The following CALN1 variants were observed in gnomAD, a reference collection of about 807,000 sequenced individuals.
CALN1 encodes the protein calcium-binding protein 8.
A neutral mutation model predicts 30.6 loss-of-function variants in CALN1; 17 were observed. The ratio of observed to expected loss-of-function variants is 0.56; its 90% CI spans 0.38 to 0.83. CALN1 has a LOEUF of 0.83. Among genes scored for constraint, CALN1 ranks in the 40% least tolerant of loss-of-function variants. The pLI, the probability that CALN1 is intolerant of heterozygous loss-of-function variation, is 0.00. For synonymous variants in CALN1, 156 were observed against 131.4 expected, an observed-to-expected ratio of 1.19 and a Z score of -1.28; for missense variants, 291 against 354.9, an observed-to-expected ratio of 0.82 and a Z score of 1.45.
intron 2 of CALN1, among the ~76,000 whole-genome samples, chr7:72,325,409 T>C (rs1179662697): frequency 6.6e-6 from 1 of 152,184 alleles, no homozygotes; most frequent in Non-Finnish European, 1.5e-5. Flanking sequence ...GAGACCAGCC[T>C]GGCCAACATA....
intron 3 of CALN1, among the ~76,000 whole-genome samples, chr7:72,224,942 A>G (rs571783196): frequency 6.6e-6 from 1 of 151,056 alleles, no homozygotes; most frequent in African/African-American, 2.4e-5. Context: ...CACACACAAA[A>G]AAAAAATTAG....
At chr7:72,281,104 A>C (rs1485805857) in intron 2 of CALN1, among the ~76,000 whole-genome samples, 1 of 151,838 alleles carries the variant, frequency 6.6e-6, no homozygotes, top group Non-Finnish European at 1.5e-5. Context: ...AAACCATGCC[A>C]TTGCTCTCCA....
intron 5 of CALN1, among the ~76,000 whole-genome samples, chr7:71,903,941 T>C (rs998419745): frequency 1.3e-5 from 2 of 152,132 alleles, no homozygotes; most frequent in Admixed American, 6.5e-5. Context: ...AATAGGTATA[T>C]GAAAAAATGC....
At chr7:71,975,644 T>G (rs1377829157) in intron 5 of CALN1, among the ~76,000 whole-genome samples, 2 of 151,996 alleles carry the variant, frequency 1.3e-5, no homozygotes, top group African/African-American at 4.8e-5. Context: ...TGACCCAGGC[T>G]GGTCTTGATT....
At chr7:72,081,417 G>GTGTGTGTGTGTGTCTGTGTGTGTGTC (rs145997789) in intron 4 of CALN1, among the ~76,000 whole-genome samples, 1 of 146,290 alleles carries the variant, frequency 6.8e-6, no homozygotes. Flanking sequence ...GTGTGTGTGT[G>GTGTGTGTGTGTGTCTGTGTGTGTGTC]TGTGTGTTTG....
intron 5 of CALN1, among the ~76,000 whole-genome samples, chr7:71,853,089 T>C (rs969240933): frequency 6.6e-6 from 1 of 152,100 alleles, no homozygotes; most frequent in South Asian, 2.1e-4. Context: ...ATTTGCTTTT[T>C]TTTTTGAGAC....
At chr7:71,800,337 AG>A (rs934414655) in intron 6 of CALN1, among the ~76,000 whole-genome samples, 2 of 152,130 alleles carry the variant, frequency 1.3e-5, no homozygotes, top group Admixed American at 6.6e-5. Flanking sequence ...CCTCTTCCCC[AG>A]GGGGCTTCCT....
intron 5 of CALN1, among the ~76,000 whole-genome samples, chr7:71,993,397 T>G (rs1263587218): frequency 6.6e-6 from 1 of 151,918 alleles, no homozygotes; most frequent in Non-Finnish European, 1.5e-5. Context: ...GCCAAGGAGT[T>G]TGAGGCTGCA....
At chr7:72,310,928 A>T (rs1290569395) in intron 2 of CALN1, among the ~76,000 whole-genome samples, 5 of 131,042 alleles carry the variant, frequency 3.8e-5, no homozygotes, top group African/African-American at 1.4e-4. Context: ...AAAAAAAAAA[A>T]CAAAAATAAA....
At chr7:71,793,584 TTGTTGGGCTGGGTG>T (rs1786706871) in intron 6 of CALN1, among the ~76,000 whole-genome samples, 1 of 151,950 alleles carries the variant, frequency 6.6e-6, no homozygotes, top group Admixed American at 6.6e-5. Context: ...AGATCTATCT[TTGTTGGGCTGGGTG>T]TGGTGGCTCA....
chr7:72,274,538 A>G (rs747083334), intron 3 of CALN1, among the ~76,000 whole-genome samples: 4 of 151,950 alleles, frequency 2.6e-5, no homozygotes, highest in Non-Finnish European at 5.9e-5. Context: ...TCACGAGATT[A>G]TTCAATAAAT....
intron 5 of CALN1, among the ~76,000 whole-genome samples, chr7:71,824,409 T>C (rs1788789488): frequency 6.6e-6 from 1 of 152,046 alleles, no homozygotes; most frequent in Non-Finnish European, 1.5e-5. Context: ...TAACTGAACT[T>C]GTTTTCCTGC....
Position 72,252,912 on chromosome 7 carries a change from T to C in CALN1, c.244+25774A>G, listed in dbSNP as rs559579044. On this transcript the variant is annotated intron_variant, in intron 3 of 6. Coordinates refer to ENST00000395275, the MANE Select transcript of CALN1 (RefSeq NM_031468.4). ...TGCTTCAAACATTGTAGGCACTCAA[T>C]CAACATTTGTGAATGAATGAGCAAA... 6.6e-5 allele frequency among the ~76,000 whole-genome samples: 10 copies of C among 152,350 alleles called. No homozygotes were observed. The South Asian group carries it at 1.7e-3, about 25-fold the overall frequency.
At chr7:72,321,061 C>T (rs2129557258) in intron 2 of CALN1, among the ~76,000 whole-genome samples, 1 of 152,206 alleles carries the variant, frequency 6.6e-6, no homozygotes, top group South Asian at 2.1e-4. Context: ...CTTACATAAC[C>T]ATAAGCTGTA....
At chr7:72,280,024 A>G (rs1585345998) in intron 2 of CALN1, among the ~76,000 whole-genome samples, 1 of 152,240 alleles carries the variant, frequency 6.6e-6, no homozygotes, top group Admixed American at 6.5e-5. Context: ...AAAGCCAGTT[A>G]GTGACAGAAG....
At chr7:72,334,937 T>C (rs1039201597) in intron 2 of CALN1, among the ~76,000 whole-genome samples, 7 of 152,150 alleles carry the variant, frequency 4.6e-5, no homozygotes, top group African/African-American at 1.7e-4. Flanking sequence ...CAGGGCAGGC[T>C]ACTCTGGAAA....
At chr7:72,180,900 C>A (rs1789732837) in intron 3 of CALN1, among the ~76,000 whole-genome samples, 1 of 152,018 alleles carries the variant, frequency 6.6e-6, no homozygotes, top group African/African-American at 2.4e-5. Flanking sequence ...GCACTCAAGA[C>A]CAGCCTGGCC....
At chr7:72,189,840 T>C (rs915875814) in intron 3 of CALN1, among the ~76,000 whole-genome samples, 2 of 152,072 alleles carry the variant, frequency 1.3e-5, no homozygotes, top group African/African-American at 4.8e-5. Flanking sequence ...AGTCATACGA[T>C]GTACCATGCT....
intron 3 of CALN1, among the ~76,000 whole-genome samples, chr7:72,173,023 T>G (rs1789079137): frequency 6.6e-6 from 1 of 151,880 alleles, no homozygotes; most frequent in African/African-American, 2.4e-5. Context: ...ATAAGTAAAA[T>G]GATCTCTTAT....
Sources: gnomAD v4.1 joint callset for allele counts (sites outside exome capture counted in the v4.1 genomes callset) on GRCh38, gnomAD v4.1.1 for gene constraint, MANE v1.5 for transcripts, NCBI Gene and HGNC (gene_info 2026-07-23, HGNC 2026-07-21) for gene names.